The following WWOX variants were observed in gnomAD, a reference collection of about 807,000 sequenced individuals.
WWOX encodes the protein WW domain-containing oxidoreductase.
WWOX carries 69 observed loss-of-function variants against 46.2 expected under a neutral mutation model. The observed-to-expected ratio is 1.49, with a 90% CI of 1.23 to 1.82. The LOEUF (loss-of-function observed/expected upper bound fraction) is 1.82. Among genes scored for constraint, WWOX ranks in the 40% most tolerant of loss-of-function variants. WWOX has a pLI of 0.00. For missense variants in WWOX, 919 were observed against 542.6 expected, an observed-to-expected ratio of 1.69 and a Z score of -6.89; for synonymous variants, 359 against 202.6, an observed-to-expected ratio of 1.77 and a Z score of -6.56.
chr16:79,014,014 A>T (rs1232567234), intron 8 of WWOX, among the ~76,000 whole-genome samples: 1 of 152,272 alleles, frequency 6.6e-6, no homozygotes, highest in South Asian at 2.1e-4. Context: ...GGCATGCGAT[A>T]TGCTTCTCAG....
At chr16:79,161,562 G>T (rs1015274784) in intron 8 of WWOX, among the ~76,000 whole-genome samples, 7 of 152,180 alleles carry the variant, frequency 4.6e-5, no homozygotes, top group African/African-American at 1.7e-4. Context: ...TTGTTCCATT[G>T]CCCAGGCTGG....
chr16:78,464,321 G>C (rs1644867321), intron 8 of WWOX, among the ~76,000 whole-genome samples: 1 of 151,184 alleles, frequency 6.6e-6, no homozygotes, highest in East Asian at 1.9e-4. Flanking sequence ...AGGAAAGAGG[G>C]GAAGGGAGGA....
At chr16:78,908,469 G>C (rs1186335954) in intron 8 of WWOX, among the ~76,000 whole-genome samples, 1 of 151,750 alleles carries the variant, frequency 6.6e-6, no homozygotes, top group East Asian at 2.0e-4. Flanking sequence ...GAACCTGGGA[G>C]GCAGAGGCTG....
intron 8 of WWOX, among the ~76,000 whole-genome samples, chr16:78,652,456 C>G (rs1039624845): frequency 6.0e-5 from 9 of 150,972 alleles, no homozygotes; most frequent in African/African-American, 2.0e-4. Context: ...TGTTTGGAAG[C>G]CATGTCCCAT....
intron 8 of WWOX, among the ~76,000 whole-genome samples, chr16:78,665,869 G>A (rs1364698601): frequency 6.6e-6 from 1 of 152,044 alleles, no homozygotes; most frequent in Non-Finnish European, 1.5e-5. Context: ...ATTTTTAGTA[G>A]AGATGGAGTT....
chr16:78,578,008 G>C (rs2044932840), intron 8 of WWOX, among the ~76,000 whole-genome samples: 1 of 151,760 alleles, frequency 6.6e-6, no homozygotes, highest in Non-Finnish European at 1.5e-5. Context: ...CCAGATTTCA[G>C]AGGAAAAAAG....
intron 8 of WWOX, among the ~76,000 whole-genome samples, chr16:78,596,183 CA>C (rs1451231473): frequency 1.3e-5 from 2 of 152,094 alleles, no homozygotes; most frequent in Non-Finnish European, 2.9e-5. Flanking sequence ...TGAGTGATAT[CA>C]ACAAAACAAA....
intron 8 of WWOX, among the ~76,000 whole-genome samples, chr16:78,859,064 A>ATATGTG (rs2052654460): frequency 8.3e-6 from 1 of 119,912 alleles, no homozygotes; most frequent in African/African-American, 3.1e-5. Flanking sequence ...ATATATATAT[A>ATATGTG]TATATATATG....
chr16:78,468,541 G>C (rs187210595), intron 8 of WWOX, among the ~76,000 whole-genome samples: 2 of 152,160 alleles, frequency 1.3e-5, no homozygotes, highest in African/African-American at 2.4e-5. Context: ...TCTTAGAAGA[G>C]ATTTCAGGCC....
At chr16:78,813,480 A>G (rs1485675517) in intron 8 of WWOX, among the ~76,000 whole-genome samples, 2 of 152,136 alleles carry the variant, frequency 1.3e-5, no homozygotes, top group South Asian at 4.1e-4. Context: ...TTCTGGGGAC[A>G]CATATTTTGT....
intron 8 of WWOX, among the ~76,000 whole-genome samples, chr16:78,844,685 G>A (rs573229849): frequency 6.6e-6 from 1 of 152,166 alleles, no homozygotes; most frequent in Admixed American, 6.5e-5. Flanking sequence ...CCTTTTTAAA[G>A]AAAGATTTTG....
At chr16:78,232,906 A>G (rs1364877564) in intron 5 of WWOX, among the ~76,000 whole-genome samples, 3 of 151,606 alleles carry the variant, frequency 2.0e-5, no homozygotes, top group East Asian at 3.9e-4. Flanking sequence ...CAGTGGTGCT[A>G]TTTCGGCTAA....
intron 5 of WWOX, among the ~76,000 whole-genome samples, chr16:78,335,657 C>T (rs9936952): frequency 0.89 from 134,975 of 152,186 alleles, 60,098 homozygotes; most frequent in African/African-American, 0.96. Flanking sequence ...TGTATGTTGA[C>T]TGCAGCAGTT....
At chr16:78,638,757 G>T (rs1042246625) in intron 8 of WWOX, among the ~76,000 whole-genome samples, 1 of 152,130 alleles carries the variant, frequency 6.6e-6, no homozygotes, top group Non-Finnish European at 1.5e-5. Flanking sequence ...CTCTCTCTCT[G>T]GGTTGGGAGG....
intron 8 of WWOX, among the ~76,000 whole-genome samples, chr16:78,725,339 CTTTTCTTTTTTT>C (rs1327637660): frequency 1.4e-4 from 12 of 86,784 alleles, no homozygotes; most frequent in African/African-American, 5.9e-4. Context: ...CTTTTCTTTT[CTTTTCTTTTTTT>C]TTTTTTTTTT....
At chr16:78,581,147 C>T (rs1487601001) in intron 8 of WWOX, among the ~76,000 whole-genome samples, 2 of 151,964 alleles carry the variant, frequency 1.3e-5, no homozygotes, top group East Asian at 3.9e-4. Flanking sequence ...GGACATGACA[C>T]CGTATAACAA....
At chr16:79,168,875 TA>T (rs1461349810) in intron 8 of WWOX, among the ~76,000 whole-genome samples, 1 of 152,208 alleles carries the variant, frequency 6.6e-6, no homozygotes, top group Admixed American at 6.5e-5. Context: ...TAACATTTTT[TA>T]AAACAAAAAA....
intron 8 of WWOX, chr16:79,004,404 G>GT (rs1175105478): frequency 2.6e-5 from 4 of 152,220 alleles, no homozygotes; most frequent in African/African-American, 9.7e-5. Context: ...ATTGGCCCTG[G>GT]AGTGGAGGAA....
intron 8 of WWOX, among the ~76,000 whole-genome samples, chr16:78,701,567 C>T (rs1012048909): frequency 6.6e-6 from 1 of 152,064 alleles, no homozygotes; most frequent in Non-Finnish European, 1.5e-5. Flanking sequence ...CCCAGCCTCC[C>T]CCCGATATAC....
Sources: allele counts gnomAD v4.1 joint callset (sites outside exome capture counted in the v4.1 genomes callset), GRCh38; gene constraint gnomAD v4.1.1; transcripts MANE v1.5; gene names NCBI Gene and HGNC (gene_info 2026-07-23, HGNC 2026-07-21).